OR1J2: variants seen among roughly 807,000 people sequenced by gnomAD.
The protein encoded by OR1J2 is olfactory receptor 1J2.
For missense variants in OR1J2, 304 were observed against 246.1 expected (o/e 1.24, Z -1.57); for synonymous variants, 142 against 99.7 (o/e 1.42, Z -2.52).
chr9:122,472,309 G>A, the OR1J2 span, among the ~76,000 whole-genome samples: 1 of 152,162 alleles, frequency 6.6e-6, no homozygotes, highest in Non-Finnish European at 1.5e-5. Flanking sequence ...CAGCAACTGA[G>A]GAATTAATTT....
the OR1J2 span, among the ~76,000 whole-genome samples, chr9:122,544,901 T>C: frequency 0.44 from 66,534 of 151,880 alleles, 15,690 homozygotes; most frequent in East Asian, 0.87. Context: ...TACTTTGCTT[T>C]TTTTCTTCTA....
At chr9:122,527,114 GA>G in the OR1J2 span, 1 of 1,614,094 alleles carries the variant, frequency 6.2e-7, no homozygotes, top group Non-Finnish European at 8.5e-7. Flanking sequence ...GGTTGGCCAA[GA>G]AAAAGTACAT....
chr9:122,450,781 C>A, the OR1J2 span, among the ~76,000 whole-genome samples: 2 of 152,206 alleles, frequency 1.3e-5, no homozygotes, highest in Non-Finnish European at 2.9e-5. Flanking sequence ...CTGCTAACCA[C>A]TGTTCTACTC....
the OR1J2 span, among the ~76,000 whole-genome samples, chr9:122,546,184 A>T: frequency 6.6e-6 from 1 of 152,168 alleles, no homozygotes; most frequent in African/African-American, 2.4e-5. Context: ...AAGGGATGAG[A>T]TTCTCAGGCT....
chr9:122,526,786 C>T, the OR1J2 span: 14 of 1,613,966 alleles, frequency 8.7e-6, no homozygotes, highest in Admixed American at 8.3e-5. Context: ...GCAATTTCCC[C>T]AGTCACACAG....
At chr9:122,454,523 A>G in the OR1J2 span, among the ~76,000 whole-genome samples, 1 of 152,166 alleles carries the variant, frequency 6.6e-6, no homozygotes, top group Non-Finnish European at 1.5e-5. Context: ...ATCTAAAAAA[A>G]AAAAAGTCAC....
chr9:122,527,228 C>T, the OR1J2 span: 110 of 1,613,940 alleles, frequency 6.8e-5, no homozygotes, highest in Non-Finnish European at 8.3e-5. Context: ...AGAGGGACTG[C>T]TGTTGCTCTG....
At chr9:122,503,163 G>A in the OR1J2 span, among the ~76,000 whole-genome samples, 1 of 152,216 alleles carries the variant, frequency 6.6e-6, no homozygotes, top group Non-Finnish European at 1.5e-5. Context: ...ATGATGTCAT[G>A]TGGGATATGA....
At chr9:122,470,192 G>T in the OR1J2 span, among the ~76,000 whole-genome samples, 1 of 152,186 alleles carries the variant, frequency 6.6e-6, no homozygotes, top group African/African-American at 2.4e-5. Context: ...GGAGGTCTAG[G>T]AGGGAAAAAT....
At chr9:122,535,176 G>A in the OR1J2 span, among the ~76,000 whole-genome samples, 840 of 152,002 alleles carry the variant, frequency 5.5e-3, 9 homozygotes, top group African/African-American at 0.017. Flanking sequence ...AAGGGGTTGG[G>A]GCATGGAAAT....
chr9:122,514,066 G>A (rs1828670546), downstream of OR1J2, among the ~76,000 whole-genome samples: 1 of 152,116 alleles, frequency 6.6e-6, no homozygotes, highest in Non-Finnish European at 1.5e-5. Flanking sequence ...AAGCTATAAA[G>A]TACTATAAAA....
the OR1J2 span, among the ~76,000 whole-genome samples, chr9:122,466,319 A>G: frequency 1.3e-5 from 2 of 152,196 alleles, no homozygotes; most frequent in African/African-American, 4.8e-5. Context: ...CCAAAACCTA[A>G]TGAACCAGAT....
chr9:122,511,540 G>C lies in OR1J2; in HGVS notation c.739G>C (p.Val247Leu), dbSNP rs147214022. ...ALSTCGSHLS[V>L]VSLYYGSIFG... ...GTCCACATGTGGCTCCCATCTCTCT[G>C]TGGTGTCTCTCTATTATGGGTCAAT... The change falls in exon 1 of 1, where the codon GTG (valine) becomes CTG (leucine). Residue 247 changes from valine to leucine, a missense_variant. Transcript: ENST00000335302. 1.3e-6 allele frequency: 1 copy of C among 781,058 alleles called. No homozygotes were observed. The highest frequency in any genetic ancestry group is 1.7e-5 in the African/African-American group (1 of 59,236). The allele number at this position is 781,058 out of a possible 1,614,324, so 48.4% of individuals were successfully genotyped here.
At chr9:122,491,140 TAAG>T in the OR1J2 span, among the ~76,000 whole-genome samples, 5 of 152,166 alleles carry the variant, frequency 3.3e-5, no homozygotes, top group South Asian at 8.3e-4. Flanking sequence ...ATGTAGAAAA[TAAG>T]GAGAACAAAG....
the OR1J2 span, among the ~76,000 whole-genome samples, chr9:122,489,607 G>T: frequency 1.3e-3 from 201 of 152,248 alleles, no homozygotes; most frequent in African/African-American, 4.6e-3. Context: ...ATTATCTATT[G>T]TTTTTCAATA....
the OR1J2 span, among the ~76,000 whole-genome samples, chr9:122,547,620 A>AGTGTGT: frequency 0.1 from 14,897 of 142,836 alleles, 855 homozygotes; most frequent in Middle Eastern, 0.13. Flanking sequence ...GTAGTAGTTC[A>AGTGTGT]GTGTGTGTGT....
At chr9:122,477,194 G>A in the OR1J2 span, 3 of 1,614,152 alleles carry the variant, frequency 1.9e-6, no homozygotes. Flanking sequence ...ACCACTGAGA[G>A]GTGGGATCCA....
At chr9:122,454,748 CAG>C in the OR1J2 span, among the ~76,000 whole-genome samples, 20 of 152,156 alleles carry the variant, frequency 1.3e-4, no homozygotes, top group African/African-American at 4.6e-4. Context: ...GAATGTCTCA[CAG>C]GGGAGGGACG....
the OR1J2 span, among the ~76,000 whole-genome samples, chr9:122,495,911 G>A: frequency 6.6e-6 from 1 of 152,120 alleles, no homozygotes; most frequent in Non-Finnish European, 1.5e-5. Context: ...CCTTCCCCTA[G>A]GAATGGGGCT....
Sources: allele counts gnomAD v4.1 joint callset (sites outside exome capture counted in the v4.1 genomes callset), GRCh38; gene constraint gnomAD v4.1.1; transcripts MANE v1.5; gene names NCBI Gene and HGNC (gene_info 2026-07-23, HGNC 2026-07-21).